KCTD3: variants seen among roughly 807,000 people sequenced by gnomAD.
KCTD3 encodes the protein potassium channel tetramerization domain containing 3, also known as BTB/POZ domain-containing protein KCTD3.
KCTD3 carries 41 observed loss-of-function variants against 85.8 expected under a neutral mutation model. The ratio of observed to expected loss-of-function variants is 0.48; its 90% confidence interval spans 0.37 to 0.62. KCTD3 has a LOEUF of 0.62. KCTD3 is among the 20% of genes least tolerant of loss of function. KCTD3 has a pLI of 0.00. For missense variants in KCTD3, 724 were observed against 989.9 expected (o/e 0.73, Z 3.60); for synonymous variants, 338 against 345.4 (o/e 0.98, Z 0.24).
intron 10 of KCTD3, 64 bp downstream of exon 10, chr1:215,595,535 T>C: frequency 9.8e-7 from 1 of 1,021,364 alleles, no homozygotes; most frequent in Admixed American, 2.0e-5. Flanking sequence ...TATGTATTTT[T>C]TTTTTCCTTG....
intron 15 of KCTD3, among the ~76,000 whole-genome samples, chr1:215,614,902 T>TGTA (rs1401590845): frequency 6.6e-6 from 1 of 152,232 alleles, no homozygotes; most frequent in African/African-American, 2.4e-5. Flanking sequence ...ATGACTGTGA[T>TGTA]GTAGTGTTCT....
At chr1:215,582,697 G>C (rs1314646501) in intron 8 of KCTD3, among the ~76,000 whole-genome samples, 1 of 152,072 alleles carries the variant, frequency 6.6e-6, no homozygotes. Flanking sequence ...GAGTAGCTGG[G>C]ACTACAGGTG....
intron 13 of KCTD3, among the ~76,000 whole-genome samples, chr1:215,606,473 A>G (rs1008411334): frequency 2.6e-5 from 4 of 152,110 alleles, no homozygotes; most frequent in African/African-American, 9.7e-5. Flanking sequence ...CACGTAAAAG[A>G]TGCTGAATAA....
chr1:215,571,942 T>C (rs924906199), intron 1 of KCTD3, among the ~76,000 whole-genome samples: 3 of 152,240 alleles, frequency 2.0e-5, no homozygotes, highest in Non-Finnish European at 4.4e-5. Flanking sequence ...AGATAAACTT[T>C]TAATTGTGAT....
chr1:215,610,449 C>T (rs181626450), intron 14 of KCTD3, among the ~76,000 whole-genome samples: 40 of 151,654 alleles, frequency 2.6e-4, no homozygotes, highest in African/African-American at 8.9e-4. Flanking sequence ...GTGGGGGAAG[C>T]GAGGGCAAAG....
Position 215,620,898 on chromosome 1 carries a change from A to C in KCTD3, c.*280A>C. The stretch of plus-strand genomic sequence containing the variant: ...ACTTTTTTTGGTTTGGAAACATATT[A>C]CCACGTCTTAATAGGATGGTGCCCA... On this transcript the variant is annotated 3_prime_UTR_variant, in exon 18 of 18. Transcript: ENST00000259154. 1 of 403,468 alleles carries C rather than the reference A, an allele frequency of 2.5e-6. No individual in the cohort carries two copies. The highest frequency in any genetic ancestry group is 3.8e-5 in the East Asian group (1 of 26,250). 25.0% of individuals were successfully genotyped at this position (403,468 alleles called of 1,614,324 possible).
intron 8 of KCTD3, among the ~76,000 whole-genome samples, chr1:215,581,686 A>T (rs1033932098): frequency 2.6e-5 from 4 of 152,226 alleles, no homozygotes; most frequent in African/African-American, 9.6e-5. Context: ...ATTGATCACG[A>T]TCTTTCTGTG....
chr1:215,576,107 C>A, intron 4 of KCTD3, 133 bp downstream of exon 4: 1 of 604,438 alleles, frequency 1.7e-6, no homozygotes, highest in South Asian at 2.1e-5. Context: ...GTTGCCCAGG[C>A]TGGAGTGCAG....
intron 1 of KCTD3, among the ~76,000 whole-genome samples, chr1:215,570,257 A>G (rs1057061140): frequency 6.6e-6 from 1 of 151,928 alleles, no homozygotes; most frequent in Non-Finnish European, 1.5e-5. Flanking sequence ...TCAGGAGAAT[A>G]GACATGAAAA....
At chr1:215,616,960 C>T (rs1655479149) in intron 15 of KCTD3, among the ~76,000 whole-genome samples, 1 of 152,196 alleles carries the variant, frequency 6.6e-6, no homozygotes, top group Non-Finnish European at 1.5e-5. Context: ...TTCAGCCCCA[C>T]CCAGCAACCT....
At chr1:215,598,270 T>C (rs1654690129) in intron 10 of KCTD3, among the ~76,000 whole-genome samples, 1 of 152,140 alleles carries the variant, frequency 6.6e-6, no homozygotes, top group Admixed American at 6.5e-5. Flanking sequence ...AACAAGAAAG[T>C]TTGATGTGTG....
intron 4 of KCTD3, among the ~76,000 whole-genome samples, chr1:215,576,439 TACAC>T (rs1429439453): frequency 6.6e-6 from 1 of 151,824 alleles, no homozygotes; most frequent in African/African-American, 2.4e-5. Flanking sequence ...GATGTGGTGG[TACAC>T]GCCTATAATC....
chr1:215,601,717 G>A (rs1030296550), intron 10 of KCTD3, 150 bp from the exon 11 acceptor site: 22 of 572,376 alleles, frequency 3.8e-5, no homozygotes, highest in African/African-American at 1.7e-4. Flanking sequence ...GTGTGCACGC[G>A]TGCACCTAAA....
chr1:215,614,502 T>A (rs1200542696), intron 15 of KCTD3, among the ~76,000 whole-genome samples: 1 of 152,192 alleles, frequency 6.6e-6, no homozygotes, highest in Non-Finnish European at 1.5e-5. Context: ...TCGAGCAGTG[T>A]TTTTGTAATT....
At chr1:215,576,010 T>C (rs773400266) in intron 4 of KCTD3, 36 bp downstream of exon 4, 24 of 1,007,692 alleles carry the variant, frequency 2.4e-5, no homozygotes, top group Non-Finnish European at 3.6e-5. Flanking sequence ...AAATTCTTAC[T>C]GATAAATATG....
chr1:215,580,038 C>A (rs1659756071), intron 8 of KCTD3, 39 bp downstream of exon 8: 5 of 1,255,944 alleles, frequency 4.0e-6, no homozygotes, highest in Non-Finnish European at 5.7e-6. Flanking sequence ...TTACAGGTGG[C>A]AGTTTGAAAA....
Position 215,579,031 on chromosome 1 carries a change from C to G in KCTD3, c.429C>G (p.Val143=), listed in dbSNP as rs780107844. Residue 143 remains valine (V), a synonymous_variant, in exon 7 of 18, where the codon GTC becomes GTG. Transcript: ENST00000259154. The part of the protein sequence containing the change: ...GIPSRKINNT[V]RSADSRNGLN... ...CTAGTCGTAAAATAAACAACACAGT[C>G]AGATCTGCTGATTCTAGGAATGGTC... is the stretch of plus-strand genomic sequence containing the variant. The G allele has an allele frequency of 6.4e-7, 1 of 1,569,000 alleles. No individual in the cohort carries two copies. Among genetic ancestry groups the G allele is most frequent in the South Asian group, 1.2e-5 (1 of 84,602 alleles).
chr1:215,614,904 T>C (rs1268306917), intron 15 of KCTD3, among the ~76,000 whole-genome samples: 1 of 152,214 alleles, frequency 6.6e-6, no homozygotes, highest in Non-Finnish European at 1.5e-5. Flanking sequence ...GACTGTGATG[T>C]AGTGTTCTCT....
Position 215,578,627 on chromosome 1 carries a change from G to A in KCTD3, c.398-373G>A, listed in dbSNP as rs528941956. 1.3e-4 allele frequency among the ~76,000 whole-genome samples: 20 copies of A among 152,274 alleles called. No individual in the cohort carries two copies. In the South Asian group the frequency reaches 3.1e-3, roughly 24 times the overall value. Reference sequence around the variant, plus strand: ...CCTGTCAAATAAAAAATGTTTGAAAGTATGGGGAATTTCAGTTCTAAAGCA... The same window carrying A: ...CCTGTCAAATAAAAAATGTTTGAAAATATGGGGAATTTCAGTTCTAAAGCA... On this transcript the variant is annotated intron_variant, in intron 6 of 17. Transcript: ENST00000259154.
Sources: allele counts gnomAD v4.1 joint callset (sites outside exome capture counted in the v4.1 genomes callset), GRCh38; gene constraint gnomAD v4.1.1; transcripts MANE v1.5; gene names NCBI Gene and HGNC (gene_info 2026-07-23, HGNC 2026-07-21).